RAB6A: variants seen among roughly 807,000 people sequenced by gnomAD.
RAB6A encodes the protein RAB6A, member RAS oncogene family, also known as ras-related protein Rab-6A.
Under a neutral mutation model 32.3 loss-of-function variants are expected in RAB6A, and 8 were observed. The ratio of observed to expected loss-of-function variants is 0.25; its 90% CI spans 0.15 to 0.45. The LOEUF is 0.45. Ranked by LOEUF, RAB6A falls within the 20% of genes least tolerant of loss-of-function variation. RAB6A has a pLI of 1.00. For synonymous variants in RAB6A, 73 were observed against 82.1 expected, an observed-to-expected ratio of 0.89 and a Z score of 0.60; for missense variants, 104 against 249.4, an observed-to-expected ratio of 0.42 and a Z score of 3.93.
At chr11:73,684,868 AAGGATAT>A (rs1296371363) in intron 6 of RAB6A, among the ~76,000 whole-genome samples, 2 of 152,250 alleles carry the variant, frequency 1.3e-5, no homozygotes, top group Non-Finnish European at 2.9e-5. Flanking sequence ...TAATTACGAT[AAGGATAT>A]ATACATATTG....
At chr11:73,745,058 C>G (rs1266760366) in intron 1 of RAB6A, among the ~76,000 whole-genome samples, 1 of 151,040 alleles carries the variant, frequency 6.6e-6, no homozygotes, top group East Asian at 1.9e-4. Flanking sequence ...CATTATTTCA[C>G]TCAAACACTT....
rs557760451 is a variant in RAB6A at position 73,757,893 on chromosome 11, A to G, written c.70+2673T>C. 2.0e-5 allele frequency among the ~76,000 whole-genome samples: 3 copies of G among 152,364 alleles called. No homozygotes were observed. In the East Asian group the frequency reaches 5.8e-4, roughly 29 times the overall value. On this transcript the variant is annotated intron_variant, in intron 1 of 7. Transcript: ENST00000336083. ...GCTACTATGAGCCTGGCTCTACGCT[A>G]GGCAATGGGGACACACTGAACAAAA...
At chr11:73,733,554 AAAAAAAAAATAAATAAAT>A (rs1051506471) in intron 1 of RAB6A, among the ~76,000 whole-genome samples, 17 of 140,208 alleles carry the variant, frequency 1.2e-4, no homozygotes, top group African/African-American at 3.5e-4. Flanking sequence ...CCATCTCAAA[AAAAAAAAAATAAATAAAT>A]AAAAATAAAT....
intron 2 of RAB6A, among the ~76,000 whole-genome samples, chr11:73,723,892 A>G (rs569790083): frequency 6.6e-6 from 1 of 152,330 alleles, no homozygotes; most frequent in East Asian, 1.9e-4. Flanking sequence ...AATGACTCTC[A>G]CCACTCCTAC....
At chr11:73,738,033 T>C (rs1946430021) in intron 1 of RAB6A, among the ~76,000 whole-genome samples, 2 of 150,460 alleles carry the variant, frequency 1.3e-5, no homozygotes, top group Non-Finnish European at 3.0e-5. Context: ...TATTAATATA[T>C]ACTAAAAACC....
At chr11:73,697,143 T>C (rs560645922) in intron 6 of RAB6A, among the ~76,000 whole-genome samples, 1 of 152,300 alleles carries the variant, frequency 6.6e-6, no homozygotes, top group African/African-American at 2.4e-5. Flanking sequence ...AATTTGTCAC[T>C]GCACTTGAAG....
At chr11:73,760,125 T>C (rs756984543) in intron 1 of RAB6A, 4 of 1,292,390 alleles carry the variant, frequency 3.1e-6, no homozygotes, top group Non-Finnish European at 1.0e-6. Context: ...TTGGCCAAGG[T>C]TGAAGAGGGC....
chr11:73,745,169 T>A (rs957016764), intron 1 of RAB6A, among the ~76,000 whole-genome samples: 3 of 152,154 alleles, frequency 2.0e-5, no homozygotes, highest in Admixed American at 6.5e-5. Flanking sequence ...TCTCAAAGTA[T>A]CTTGTTAATG....
chr11:73,713,797 A>T (rs1946004802), intron 5 of RAB6A, among the ~76,000 whole-genome samples: 1 of 152,218 alleles, frequency 6.6e-6, no homozygotes, highest in African/African-American at 2.4e-5. Flanking sequence ...AATTCTTTTA[A>T]ATGTGAACAG....
rs541852223 is a variant in RAB6A at position 73,730,611 on chromosome 11, C to T, written c.129+154G>A. The T allele has an allele frequency of 4.8e-6, 3 of 621,262 alleles. No individual in the cohort carries two copies. In the East Asian group the frequency reaches 9.2e-5, roughly 19 times the overall value. The allele number at this position is 621,262 out of a possible 1,614,324, so 38.5% of individuals were successfully genotyped here. On this transcript the variant is annotated intron_variant, in intron 2 of 7. Coordinates refer to ENST00000336083, the MANE Select transcript of RAB6A (RefSeq NM_198896.2). Reference sequence around the variant, plus strand: ...GATAAAAGTTTATCCTAGGACTGGACAAAATCATTTACACATTGTATTTAT... The same window carrying T: ...GATAAAAGTTTATCCTAGGACTGGATAAAATCATTTACACATTGTATTTAT...
intron 1 of RAB6A, among the ~76,000 whole-genome samples, chr11:73,747,478 T>C (rs1946609086): frequency 7.0e-6 from 1 of 143,456 alleles, no homozygotes; most frequent in Non-Finnish European, 1.5e-5. Flanking sequence ...TGCTGGGAAT[T>C]ACAGCTGTGA....
intron 6 of RAB6A, among the ~76,000 whole-genome samples, chr11:73,697,876 C>G (rs1263716915): frequency 6.6e-6 from 1 of 152,162 alleles, no homozygotes; most frequent in African/African-American, 2.4e-5. Flanking sequence ...ATTTCTCTGT[C>G]AGTTCATATT....
At position 73,736,687 on chromosome 11, in the gene RAB6A, G is replaced by C. The variant is rs572001792; in HGVS notation, c.71-5864C>G. ...CATGCCTGTAATCCCAGCTACTCCG[G>C]AGGCTGAGGCAGGACAATCACTTAA... On this transcript the variant is annotated intron_variant, in intron 1 of 7. Transcript: ENST00000336083. Among the ~76,000 whole-genome samples the C allele has an allele frequency of 7.9e-5, 12 of 150,958 alleles. No homozygotes were observed. In the South Asian group the frequency reaches 2.1e-3, roughly 26 times the overall value.
At position 73,710,803 on chromosome 11, in the gene RAB6A, C is replaced by T. The variant is rs557613525; in HGVS notation, c.402-3290G>A. On this transcript the variant is annotated intron_variant, in intron 5 of 7. Coordinates refer to ENST00000336083, the MANE Select transcript of RAB6A (RefSeq NM_198896.2). The stretch of plus-strand genomic sequence containing the variant: ...TCTTGCTCTGTTGCACATATAAGTG[C>T]GGTGGCAGGATTGTAGCTCACTGTA... Among the ~76,000 whole-genome samples, 743 of 150,640 alleles carry T rather than the reference C, an allele frequency of 4.9e-3. 1 individual carries two copies. The highest frequency in any genetic ancestry group is 8.6e-3 in the Non-Finnish European group (586 of 67,768).
At chr11:73,703,434 A>G (rs1945779164) in intron 6 of RAB6A, among the ~76,000 whole-genome samples, 1 of 152,240 alleles carries the variant, frequency 6.6e-6, no homozygotes, top group Non-Finnish European at 1.5e-5. Flanking sequence ...GGGGAGGCAG[A>G]ATAAACTGAC....
chr11:73,680,284 G>GT (rs1462906705), intron 6 of RAB6A, among the ~76,000 whole-genome samples: 1 of 152,096 alleles, frequency 6.6e-6, no homozygotes, highest in Non-Finnish European at 1.5e-5. Context: ...GAATAATAAA[G>GT]TATTACAGAA....
At chr11:73,757,336 C>G (rs1056520757) in intron 1 of RAB6A, among the ~76,000 whole-genome samples, 21 of 148,926 alleles carry the variant, frequency 1.4e-4, no homozygotes, top group African/African-American at 5.2e-4. Context: ...TTGTAGAGAC[C>G]GGGCCATGGG....
intron 1 of RAB6A, among the ~76,000 whole-genome samples, chr11:73,752,381 G>A (rs551041588): frequency 2.0e-5 from 3 of 152,256 alleles, no homozygotes; most frequent in African/African-American, 7.2e-5. Flanking sequence ...GTTTGAACCC[G>A]GGAGGTAGAG....
chr11:73,757,718 T>TA (rs2135024676), intron 1 of RAB6A, among the ~76,000 whole-genome samples: 1 of 152,324 alleles, frequency 6.6e-6, no homozygotes, highest in Non-Finnish European at 1.5e-5. Flanking sequence ...AAGTATCTGA[T>TA]ATATTCCTGT....
Sources: gnomAD v4.1 joint callset for allele counts (sites outside exome capture counted in the v4.1 genomes callset) on GRCh38, gnomAD v4.1.1 for gene constraint, MANE v1.5 for transcripts, NCBI Gene and HGNC (gene_info 2026-07-23, HGNC 2026-07-21) for gene names.